Variants in RBFOX1 observed in about 807,000 individuals in gnomAD.
RBFOX1 encodes RNA binding fox-1 homolog 1.
A neutral mutation model predicts 57.7 loss-of-function variants in RBFOX1; 8 were observed. That is an observed-to-expected ratio of 0.14 (90% CI 0.08 to 0.25). RBFOX1 has a LOEUF of 0.25. Among genes scored for constraint, RBFOX1 ranks in the 10% least tolerant of loss-of-function variants. The pLI is 1.00. For missense variants in RBFOX1, 611 were observed against 548.5 expected (o/e 1.11, Z -1.14); for synonymous variants, 326 against 222.4 (o/e 1.47, Z -4.15).
At chr16:7,519,790 G>C (rs956901620) in intron 5 of RBFOX1, 2 of 868,588 alleles carry the variant, frequency 2.3e-6, no homozygotes, top group Non-Finnish European at 2.8e-6. Context: ...TGGCTTTGAA[G>C]CATGATACAT....
At chr16:6,287,309 C>A (rs2076998661) in intron 1 of RBFOX1, among the ~76,000 whole-genome samples, 1 of 152,170 alleles carries the variant, frequency 6.6e-6, no homozygotes, top group Non-Finnish European at 1.5e-5. Context: ...GTGTTGCCAG[C>A]TCTATCTTGT....
intron 1 of RBFOX1, among the ~76,000 whole-genome samples, chr16:5,359,093 C>G (rs4558417): frequency 0.58 from 88,948 of 152,078 alleles, 27,710 homozygotes; most frequent in Middle Eastern, 0.81. Flanking sequence ...GCTTATTTCA[C>G]TTAGCATAGT....
intron 2 of RBFOX1, among the ~76,000 whole-genome samples, chr16:6,481,806 C>A (rs1351240282): frequency 6.6e-6 from 1 of 152,166 alleles, no homozygotes; most frequent in Non-Finnish European, 1.5e-5. Flanking sequence ...TTAAATGCCA[C>A]TGACCCTGTA....
chr16:7,336,178 A>G (rs1221925146), intron 4 of RBFOX1, among the ~76,000 whole-genome samples: 1 of 152,220 alleles, frequency 6.6e-6, no homozygotes, highest in Non-Finnish European at 1.5e-5. Flanking sequence ...CCTCGAGTCC[A>G]GAAGCTACTC....
At chr16:5,422,246 C>CAGGGAGAGGGAGGAGGAGG (rs2067354250) in intron 1 of RBFOX1, among the ~76,000 whole-genome samples, 1 of 87,812 alleles carries the variant, frequency 1.1e-5, no homozygotes, top group South Asian at 4.0e-4. Context: ...GGAGGAGGAG[C>CAGGGAGAGGGAGGAGGAGG]AGGGAGAGGG....
At chr16:7,288,034 A>T (rs2095685061) in intron 4 of RBFOX1, among the ~76,000 whole-genome samples, 1 of 152,100 alleles carries the variant, frequency 6.6e-6, no homozygotes, top group Non-Finnish European at 1.5e-5. Flanking sequence ...TGTTTTCCTC[A>T]TGTTCTGTAG....
intron 10 of RBFOX1, among the ~76,000 whole-genome samples, chr16:7,616,646 C>G (rs1229629293): frequency 1.3e-5 from 2 of 152,124 alleles, no homozygotes; most frequent in Non-Finnish European, 2.9e-5. Context: ...TCACTGCAAC[C>G]TCTGCCTCCC....
At chr16:5,861,448 G>A (rs868816000) in intron 3 of RBFOX1, among the ~76,000 whole-genome samples, 17 of 152,202 alleles carry the variant, frequency 1.1e-4, no homozygotes, top group African/African-American at 3.9e-4. Flanking sequence ...CATCTTAAGC[G>A]TAGCAGAGCC....
chr16:6,995,983 A>T (rs548078379), intron 3 of RBFOX1, among the ~76,000 whole-genome samples: 1 of 152,164 alleles, frequency 6.6e-6, no homozygotes, highest in Non-Finnish European at 1.5e-5. Flanking sequence ...ACTTTTTCCC[A>T]TTGGAAGTAT....
At chr16:7,298,511 T>C (rs1029870106) in intron 4 of RBFOX1, among the ~76,000 whole-genome samples, 4 of 152,028 alleles carry the variant, frequency 2.6e-5, no homozygotes, top group African/African-American at 9.7e-5. Flanking sequence ...AGTCTCATCT[T>C]GAACTCCTGT....
At chr16:6,906,261 G>A (rs1394799837) in intron 3 of RBFOX1, among the ~76,000 whole-genome samples, 1 of 150,590 alleles carries the variant, frequency 6.6e-6, no homozygotes, top group East Asian at 1.9e-4. Flanking sequence ...AATATACATT[G>A]TCATGTGGAG....
chr16:6,803,721 C>T (rs1267988108), intron 3 of RBFOX1, among the ~76,000 whole-genome samples: 1 of 152,014 alleles, frequency 6.6e-6, no homozygotes, highest in Non-Finnish European at 1.5e-5. Context: ...TTTGTTTTGG[C>T]TTATCTTGCT....
At chr16:6,970,161 G>C (rs1325875397) in intron 3 of RBFOX1, among the ~76,000 whole-genome samples, 2 of 150,774 alleles carry the variant, frequency 1.3e-5, no homozygotes, top group Non-Finnish European at 2.9e-5. Flanking sequence ...CTGGGCAACA[G>C]AACAAGACTC....
rs143856963 is a variant in RBFOX1 at position 5,870,467 on chromosome 16, A to G, written c.351+3132A>G. On this transcript the variant is annotated intron_variant, in intron 4 of 19. Coordinates refer to the RBFOX1 transcript ENST00000641259. Reference sequence around the variant, plus strand: ...AGGATGATGGGGTGGGGGAATGGTCAGATGGTCATGGTGGGGGTAAGTGAG... The same window carrying G: ...AGGATGATGGGGTGGGGGAATGGTCGGATGGTCATGGTGGGGGTAAGTGAG... Among the ~76,000 whole-genome samples, 488 of 151,966 alleles carry G rather than the reference A, an allele frequency of 3.2e-3. 3 individuals carry two copies. Among genetic ancestry groups the G allele is most frequent in the African/African-American group, 9.3e-3 (387 of 41,450 alleles).
intron 9 of RBFOX1, among the ~76,000 whole-genome samples, chr16:7,604,971 G>A (rs573637647): frequency 6.6e-6 from 1 of 152,218 alleles, no homozygotes; most frequent in African/African-American, 2.4e-5. Flanking sequence ...AAGATGAAGA[G>A]TGATCACTTA....
chr16:6,987,321 G>A (rs1192678406), intron 3 of RBFOX1, among the ~76,000 whole-genome samples: 1 of 152,072 alleles, frequency 6.6e-6, no homozygotes, highest in Non-Finnish European at 1.5e-5. Flanking sequence ...GTTTTCAAAG[G>A]AGGAAGTGAG....
At chr16:7,028,119 G>C (rs955739274) in intron 3 of RBFOX1, among the ~76,000 whole-genome samples, 1 of 152,098 alleles carries the variant, frequency 6.6e-6, no homozygotes, top group Non-Finnish European at 1.5e-5. Context: ...TGACTGCCTA[G>C]AAGCCTGCAG....
At chr16:5,312,975 G>A (rs1468086695) in intron 1 of RBFOX1, among the ~76,000 whole-genome samples, 1 of 152,172 alleles carries the variant, frequency 6.6e-6, no homozygotes, top group Non-Finnish European at 1.5e-5. Flanking sequence ...TTTGTTTAAT[G>A]ATGCTTAGTG....
At chr16:7,663,503 G>T (rs1444468233) in intron 12 of RBFOX1, among the ~76,000 whole-genome samples, 1 of 133,972 alleles carries the variant, frequency 7.5e-6, no homozygotes, top group Admixed American at 7.1e-5. Context: ...TGTCAGTACA[G>T]CGTGTGTGTG....
Sources: gnomAD v4.1 joint callset for allele counts (sites outside exome capture counted in the v4.1 genomes callset) on GRCh38, gnomAD v4.1.1 for gene constraint, MANE v1.5 for transcripts, NCBI Gene and HGNC (gene_info 2026-07-23, HGNC 2026-07-21) for gene names.